Variants in KIF21B observed in about 807,000 individuals in gnomAD.
The protein encoded by KIF21B is kinesin-like protein KIF21B.
KIF21B carries 85 observed loss-of-function variants against 192.9 expected under a neutral mutation model. The observed-to-expected ratio is 0.44, with a 90% CI of 0.37 to 0.53. The LOEUF is 0.53. Among genes scored for constraint, KIF21B ranks in the 20% least tolerant of loss-of-function variants. KIF21B has a pLI of 0.00. For synonymous variants in KIF21B, 832 were observed against 884.6 expected (o/e 0.94, Z 1.05); for missense variants, 1,716 against 2,194.8 (o/e 0.78, Z 4.36).
Position 200,997,468 on chromosome 1 carries a change from G to C in KIF21B, c.2077+916C>G, listed in dbSNP as rs1173689806. The stretch of plus-strand genomic sequence containing the variant: ...CCTTTAAAAAACTCCAATTCGGCCA[G>C]GCACGGTGGCTCATGCCTGTAATCC... On this transcript the variant is annotated intron_variant, in intron 14 of 34. Coordinates refer to ENST00000461742, the MANE Select transcript of KIF21B (RefSeq NM_001252102.2). Among the ~76,000 whole-genome samples, 3 of 152,334 alleles carry C rather than the reference G, an allele frequency of 2.0e-5. No homozygotes were observed. In the South Asian group the frequency reaches 6.2e-4, roughly 32 times the overall value.
intron 16 of KIF21B, 90 bp from the exon 17 acceptor site, chr1:200,991,815 G>T: frequency 1.5e-6 from 2 of 1,337,700 alleles, no homozygotes; most frequent in Non-Finnish European, 2.1e-6. Flanking sequence ...GTAGTTGAAA[G>T]CCTGGGCTTC....
chr1:200,976,087 CT>C (rs1270267399), intron 32 of KIF21B, among the ~76,000 whole-genome samples: 1 of 152,170 alleles, frequency 6.6e-6, no homozygotes, highest in African/African-American at 2.4e-5. Flanking sequence ...AACCCTACTT[CT>C]TTCCAGTTTC....
At chr1:200,987,548 C>T (rs1421201757) in intron 24 of KIF21B, among the ~76,000 whole-genome samples, 1 of 152,170 alleles carries the variant, frequency 6.6e-6, no homozygotes, top group African/African-American at 2.4e-5. Flanking sequence ...CCAGCCCGCC[C>T]GGAAATTCTA....
rs1571943452 is a variant in KIF21B at position 200,998,228 on chromosome 1, C to T, written c.2077+156G>A. ...AGGAACTAGGGTTAGACGTAAGAACCTTTAACTGTGGGTCAAAGGACCACA... is the reference window on the plus strand; with the variant it reads ...AGGAACTAGGGTTAGACGTAAGAACTTTTAACTGTGGGTCAAAGGACCACA... On this transcript the variant is annotated intron_variant, in intron 14 of 34. Coordinates refer to ENST00000461742, the MANE Select transcript of KIF21B (RefSeq NM_001252102.2). This position sits in a 1 kb window ranked among gnomAD's most constrained non-coding sequence, Gnocchi z 4.3. 6.6e-6 allele frequency among the ~76,000 whole-genome samples: 1 copy of T among 152,160 alleles called. No homozygotes were observed. The highest frequency in any genetic ancestry group is 2.4e-5 in the African/African-American group (1 of 41,436).
In KIF21B at chr1:200,975,374, G is replaced by C; in HGVS notation, c.4614+125C>G. 2 of 791,566 alleles carry C rather than the reference G, an allele frequency of 2.5e-6. No individual in the cohort carries two copies. The highest frequency in any genetic ancestry group is 4.1e-6 in the Non-Finnish European group (2 of 486,870). 49.0% of individuals were successfully genotyped at this position (791,566 alleles called of 1,614,324 possible). On this transcript the variant is annotated intron_variant, in intron 33 of 34. Coordinates refer to ENST00000461742, the MANE Select transcript of KIF21B (RefSeq NM_001252102.2). The surrounding 1 kb of genome is among the most constrained non-coding windows in gnomAD (Gnocchi z 4.3). The stretch of plus-strand genomic sequence containing the variant: ...AGGAAGAGGGAGAACAGGAGGGCTT[G>C]GGGAGCTGTGAAAACCATCTGGCCT...
chr1:201,002,430 TCTGCCAGCGCC>T lies in KIF21B; in HGVS notation c.1213-91_1213-81del. ...GTAAGGGGCTGATGATGCCCCTCCC[TCTGCCAGCGCC>T]CTGGCCTTCCCCTGGATATGGCGCA... On this transcript the variant is annotated intron_variant, in intron 8 of 34. Coordinates refer to ENST00000461742, the MANE Select transcript of KIF21B (RefSeq NM_001252102.2). The T allele has an allele frequency of 2.3e-6, 3 of 1,302,680 alleles. No individual in the cohort carries two copies. The South Asian group carries it at 3.7e-5, about 16-fold the overall frequency. 80.7% of individuals were successfully genotyped at this position (1,302,680 alleles called of 1,614,324 possible).
rs73072918 is a variant in KIF21B at position 201,017,193 on chromosome 1, G to A, written c.41+6150C>T. 8.5e-5 allele frequency among the ~76,000 whole-genome samples: 13 copies of A among 152,156 alleles called. No individual in the cohort carries two copies. The highest frequency in any genetic ancestry group is 3.9e-4 in the Admixed American group (6 of 15,284). ...CCTCCAGGGCATCAGGATCTCAGCC[G>A]TGCAGAGGAATCGGGCCAGCAAGGA... On this transcript the variant is annotated intron_variant, in intron 1 of 34. Coordinates refer to ENST00000461742, the MANE Select transcript of KIF21B (RefSeq NM_001252102.2). This position sits in a 1 kb window ranked among gnomAD's most constrained non-coding sequence, Gnocchi z 4.1.
intron 33 of KIF21B, 34 bp from the exon 34 acceptor site, chr1:200,974,947 G>A: frequency 1.2e-6 from 2 of 1,600,416 alleles, no homozygotes; most frequent in Non-Finnish European, 1.7e-6. Context: ...AGGGCTGGGG[G>A]AGGTGATGAG....
At chr1:201,016,586 A>G (rs562055083) in intron 1 of KIF21B, among the ~76,000 whole-genome samples, 1 of 152,324 alleles carries the variant, frequency 6.6e-6, no homozygotes, top group South Asian at 2.1e-4. Context: ...GACAGCCCAG[A>G]CAAAGCATCT....
Position 201,017,062 on chromosome 1 carries a change from A to C in KIF21B, c.41+6281T>G, listed in dbSNP as rs1204212209. On this transcript the variant is annotated intron_variant, in intron 1 of 34. Transcript: ENST00000461742. The surrounding 1 kb of genome is among the most constrained non-coding windows in gnomAD (Gnocchi z 4.1). Reference sequence around the variant, plus strand: ...CCTCCTCTTGAGTGTCCTTGACCTTACTAGGGTCTTGGCCACTGGCTTCTG... The same window carrying C: ...CCTCCTCTTGAGTGTCCTTGACCTTCCTAGGGTCTTGGCCACTGGCTTCTG... Among the ~76,000 whole-genome samples, 3 of 151,970 alleles carry C rather than the reference A, an allele frequency of 2.0e-5. No individual in the cohort carries two copies. Among genetic ancestry groups the C allele is most frequent in the Non-Finnish European group, 4.4e-5 (3 of 67,982 alleles).
intron 1 of KIF21B, among the ~76,000 whole-genome samples, chr1:201,021,592 GA>G (rs1292914292): frequency 6.6e-6 from 1 of 152,198 alleles, no homozygotes; most frequent in Non-Finnish European, 1.5e-5. Flanking sequence ...AGTGGGAAGA[GA>G]ACATCAGCTT....
In KIF21B at chr1:200,990,882, C is replaced by T; in HGVS notation, c.2687+35G>A. On this transcript the variant is annotated intron_variant, in intron 18 of 34. Transcript: ENST00000461742. The surrounding 1 kb of genome is among the most constrained non-coding windows in gnomAD (Gnocchi z 5.4). ...CTGCCCCATATTCCCACCCCCTCTG[C>T]CTGCACAGGCCAGGGGACTGCCAGT... 6.2e-7 allele frequency: 1 copy of T among 1,611,962 alleles called. No individual in the cohort carries two copies. Among genetic ancestry groups the T allele is most frequent in the Non-Finnish European group, 8.5e-7 (1 of 1,178,246 alleles).
At position 200,999,187 on chromosome 1, in the gene KIF21B, T is replaced by C. The variant is rs1160888214; in HGVS notation, c.1885+162A>G. Among the ~76,000 whole-genome samples the C allele has an allele frequency of 6.6e-6, 1 of 152,082 alleles. No individual in the cohort carries two copies. The highest frequency in any genetic ancestry group is 1.9e-4 in the East Asian group (1 of 5,192). Reference sequence around the variant, plus strand: ...TGGCACCTAATGAACGACCAGGAAGTGTTTGCCATCATTCTCATCATGACT... The same window carrying C: ...TGGCACCTAATGAACGACCAGGAAGCGTTTGCCATCATTCTCATCATGACT... On this transcript the variant is annotated intron_variant, in intron 13 of 34. Transcript: ENST00000461742. This position sits in a 1 kb window ranked among gnomAD's most constrained non-coding sequence, Gnocchi z 4.7.
intron 3 of KIF21B, among the ~76,000 whole-genome samples, chr1:201,007,121 C>T (rs1657891832): frequency 1.4e-5 from 2 of 146,820 alleles, no homozygotes; most frequent in South Asian, 4.4e-4. Context: ...CACACGCAGA[C>T]ACCCACACAC....
At chr1:200,974,421 C>CG (rs1384736264) in intron 34 of KIF21B, among the ~76,000 whole-genome samples, 3 of 151,588 alleles carry the variant, frequency 2.0e-5, no homozygotes, top group Non-Finnish European at 2.9e-5. Context: ...GATACCTGCA[C>CG]GGGGGAAGAC....
chr1:201,014,574 G>A (rs1315242893), intron 1 of KIF21B, among the ~76,000 whole-genome samples: 3 of 152,190 alleles, frequency 2.0e-5, no homozygotes, highest in Non-Finnish European at 4.4e-5. Flanking sequence ...GGGGAGGATG[G>A]CCCTAGCCGG....
intron 29 of KIF21B, 120 bp from the exon 30 acceptor site, chr1:200,979,835 C>G (rs561817642): frequency 1.3e-6 from 1 of 751,426 alleles, no homozygotes; most frequent in South Asian, 2.8e-5. Flanking sequence ...CTCCAGAGGA[C>G]GGAGCTCCAG....
intron 32 of KIF21B, 89 bp downstream of exon 32, chr1:200,976,687 A>C: frequency 1.3e-6 from 1 of 777,384 alleles, no homozygotes; most frequent in East Asian, 2.7e-5. Context: ...AAGTCTTATA[A>C]TTTTTCATGG....
At chr1:200,974,375 G>A (rs1250182400) in intron 34 of KIF21B, among the ~76,000 whole-genome samples, 1 of 152,086 alleles carries the variant, frequency 6.6e-6, no homozygotes, top group East Asian at 1.9e-4. Context: ...TAAGAGGCGT[G>A]GTCTGGGGCT....
Sources: allele counts gnomAD v4.1 joint callset (sites outside exome capture counted in the v4.1 genomes callset), GRCh38; gene constraint gnomAD v4.1.1; non-coding constraint Gnocchi (gnomAD v3.1); transcripts MANE v1.5; gene names NCBI Gene and HGNC (gene_info 2026-07-23, HGNC 2026-07-21).